The following VWC2L variants were observed in gnomAD, a reference collection of about 807,000 sequenced individuals.
The protein encoded by VWC2L is von Willebrand factor C domain-containing protein 2-like.
Under a neutral mutation model 21.6 loss-of-function variants are expected in VWC2L, and 10 were observed. The ratio of observed to expected loss-of-function variants is 0.46; its 90% CI spans 0.29 to 0.78. The LOEUF (loss-of-function observed/expected upper bound fraction) is 0.78. Among genes scored for constraint, VWC2L ranks in the 30% least tolerant of loss-of-function variants. VWC2L has a pLI of 0.10. For missense variants in VWC2L, 209 were observed against 277.1 expected, an observed-to-expected ratio of 0.75 and a Z score of 1.74; for synonymous variants, 96 against 94.3, an observed-to-expected ratio of 1.02 and a Z score of -0.10.
At position 214,414,307 on chromosome 2, in the gene VWC2L, C is replaced by T; in HGVS notation, c.114C>T (p.Ser38=). The change falls in exon 2 of 4, where the codon TCC becomes TCT. Residue 38 remains serine (S), a synonymous_variant. Transcript: ENST00000312504. ...CTGCTGATGAAGGTGACCAGATCTC[C>T]AGTAATGACAATCTGATCTTTGATG... ...DYPADEGDQI[S]SNDNLIFDDY... is the part of the protein sequence containing the mutation. 1 of 1,613,816 alleles carries T rather than the reference C, an allele frequency of 6.2e-7. No individual in the cohort carries two copies. The highest frequency in any genetic ancestry group is 8.5e-7 in the Non-Finnish European group (1 of 1,179,834).
Position 214,575,847 on chromosome 2 carries a change from C to G in VWC2L, c.*27C>G. ...ACAAACTTCCACCCAATGATGAGTT[C>G]TTAGGAAAGGATGCTATGGCTTCAA... is the stretch of plus-strand genomic sequence containing the variant. On this transcript the variant is annotated 3_prime_UTR_variant, in exon 4 of 4. Transcript: ENST00000312504. The G allele has an allele frequency of 6.3e-7, 1 of 1,599,070 alleles. No homozygotes were observed. The highest frequency in any genetic ancestry group is 8.6e-7 in the Non-Finnish European group (1 of 1,168,844).
intron 3 of VWC2L, among the ~76,000 whole-genome samples, chr2:214,444,384 T>TG (rs1174474931): frequency 6.6e-6 from 1 of 151,906 alleles, no homozygotes; most frequent in Non-Finnish European, 1.5e-5. Context: ...AACATTAATT[T>TG]GGGGGGATAC....
At chr2:214,448,856 G>T (rs913852886) in intron 3 of VWC2L, among the ~76,000 whole-genome samples, 1 of 151,912 alleles carries the variant, frequency 6.6e-6, no homozygotes, top group African/African-American at 2.4e-5. Flanking sequence ...ATGTGAAAAG[G>T]GCAGCTGTTC....
At chr2:214,561,813 C>T (rs866032684) in intron 3 of VWC2L, among the ~76,000 whole-genome samples, 1,563 of 102,668 alleles carry the variant, frequency 0.015, 69 homozygotes, top group African/African-American at 0.075. Flanking sequence ...TATATATACA[C>T]ACACATATAT....
intron 3 of VWC2L, among the ~76,000 whole-genome samples, chr2:214,572,948 C>T (rs1364923521): frequency 6.6e-6 from 1 of 152,056 alleles, no homozygotes; most frequent in Non-Finnish European, 1.5e-5. Flanking sequence ...TTCTGTCAAT[C>T]AATATACAGT....
intron 2 of VWC2L, among the ~76,000 whole-genome samples, chr2:214,428,800 C>T (rs1702560350): frequency 7.7e-6 from 1 of 129,740 alleles, no homozygotes. Context: ...AAAATCTTTG[C>T]ACACAGACAG....
intron 3 of VWC2L, among the ~76,000 whole-genome samples, chr2:214,550,105 T>C (rs756445970): frequency 2.6e-5 from 4 of 152,208 alleles, no homozygotes; most frequent in African/African-American, 4.8e-5. Context: ...AACCCGCATG[T>C]GAAATGCAAG....
At chr2:214,439,674 A>T (rs368682602) in intron 3 of VWC2L, among the ~76,000 whole-genome samples, 4 of 151,972 alleles carry the variant, frequency 2.6e-5, no homozygotes, top group African/African-American at 9.6e-5. Flanking sequence ...AGCATGAGGC[A>T]TTAAAGTTAT....
At chr2:214,442,322 G>C (rs1046929171) in intron 3 of VWC2L, among the ~76,000 whole-genome samples, 5 of 152,162 alleles carry the variant, frequency 3.3e-5, no homozygotes, top group Non-Finnish European at 7.4e-5. Context: ...TGAGAAGGTA[G>C]AGAAAAGAGC....
intron 3 of VWC2L, among the ~76,000 whole-genome samples, chr2:214,490,036 G>T (rs189772080): frequency 2.0e-5 from 3 of 152,330 alleles, no homozygotes; most frequent in African/African-American, 4.8e-5. Flanking sequence ...AGAAGAAATT[G>T]CAGTCATCCA....
In VWC2L at chr2:214,577,631, A is replaced by T. The variant is rs1033606458; in HGVS notation, c.*1811A>T. The T allele has an allele frequency of 6.6e-6, 1 of 152,152 alleles. No individual in the cohort carries two copies. Among genetic ancestry groups the T allele is most frequent in the African/African-American group, 2.4e-5 (1 of 41,444 alleles). The allele number at this position is 152,152 out of a possible 1,614,324, so 9.4% of individuals were successfully genotyped here. On this transcript the variant is annotated 3_prime_UTR_variant, in exon 4 of 4. Transcript: ENST00000312504. ...GGGACATACACAGTCAGCATTTCCA[A>T]GGGGTCAGTCTTCTCCATAGAGAGT...
intron 3 of VWC2L, among the ~76,000 whole-genome samples, chr2:214,487,267 G>A (rs1337837835): frequency 6.6e-6 from 1 of 152,162 alleles, no homozygotes; most frequent in Non-Finnish European, 1.5e-5. Flanking sequence ...GATACATTAA[G>A]CAATCTTGAC....
Position 214,414,190 on chromosome 2 carries a change from G to T in VWC2L, c.-4G>T, listed in dbSNP as rs1489054457. 3 of 1,607,982 alleles carry T rather than the reference G, an allele frequency of 1.9e-6. No individual in the cohort carries two copies. The stretch of plus-strand genomic sequence containing the variant: ...AGCACATCCAGAAGTCTTTGAAGAG[G>T]GGGATGGCTCTTCATATTCATGAAG... On this transcript the variant is annotated 5_prime_UTR_variant, in exon 2 of 4. Transcript: ENST00000312504.
intron 2 of VWC2L, among the ~76,000 whole-genome samples, chr2:214,434,100 A>G (rs1277008306): frequency 6.6e-6 from 1 of 152,214 alleles, no homozygotes; most frequent in East Asian, 1.9e-4. Flanking sequence ...GAAGCCACCA[A>G]TGATTAATGT....
At chr2:214,413,316 T>A (rs954445046) in intron 1 of VWC2L, among the ~76,000 whole-genome samples, 28 of 152,070 alleles carry the variant, frequency 1.8e-4, no homozygotes, top group African/African-American at 6.8e-4. Flanking sequence ...TGAAGTAAAT[T>A]TATAGATAGA....
At position 214,441,504 on chromosome 2, in the gene VWC2L, C is replaced by T. The variant is rs147732186; in HGVS notation, c.520+4746C>T. Among the ~76,000 whole-genome samples the T allele has an allele frequency of 4.8e-4, 73 of 152,100 alleles. 2 individuals carry two copies. In the East Asian group the frequency reaches 0.013, roughly 27 times the overall value. On this transcript the variant is annotated intron_variant, in intron 3 of 3. Coordinates refer to ENST00000312504, the MANE Select transcript of VWC2L (RefSeq NM_001080500.4). The stretch of plus-strand genomic sequence containing the variant: ...TGATAATGTGGGATTGATGGTGCCT[C>T]ATATCAGCAAAAGTATTGAGAAGAG...
At chr2:214,575,029 T>C (rs1220528306) in intron 3 of VWC2L, among the ~76,000 whole-genome samples, 1 of 130,194 alleles carries the variant, frequency 7.7e-6, no homozygotes, top group Admixed American at 7.3e-5. Context: ...TTTTGGGTCA[T>C]TCTTTAAAAA....
chr2:214,507,803 G>A (rs1216625428), intron 3 of VWC2L, among the ~76,000 whole-genome samples: 5 of 152,200 alleles, frequency 3.3e-5, no homozygotes, highest in African/African-American at 1.2e-4. Context: ...TTTTCCGCTA[G>A]ATGGCACATA....
chr2:214,521,280 A>C (rs74995246), intron 3 of VWC2L, among the ~76,000 whole-genome samples: 3 of 146,970 alleles, frequency 2.0e-5, no homozygotes, highest in Non-Finnish European at 4.5e-5. Context: ...AATAAATAAA[A>C]CTACCAAGTT....
Sources: allele counts gnomAD v4.1 joint callset (sites outside exome capture counted in the v4.1 genomes callset), GRCh38; gene constraint gnomAD v4.1.1; transcripts MANE v1.5; gene names NCBI Gene and HGNC (gene_info 2026-07-23, HGNC 2026-07-21).